Variants in ANKIB1 observed in about 807,000 individuals in gnomAD.
The protein encoded by ANKIB1 is ankyrin repeat and IBR domain-containing protein 1.
ANKIB1 carries 43 observed loss-of-function variants against 122.1 expected under a neutral mutation model. That is an observed-to-expected ratio of 0.35 (90% CI 0.28 to 0.45). ANKIB1 has a LOEUF of 0.45. Among genes scored for constraint, ANKIB1 ranks in the 20% least tolerant of loss-of-function variants. ANKIB1 has a pLI of 1.00. For synonymous variants in ANKIB1, 390 were observed against 442.0 expected (o/e 0.88, Z 1.48); for missense variants, 992 against 1,329.5 (o/e 0.75, Z 3.95).
At chr7:92,354,866 C>T (rs1044801785) in intron 9 of ANKIB1, among the ~76,000 whole-genome samples, 10 of 151,958 alleles carry the variant, frequency 6.6e-5, no homozygotes, top group Non-Finnish European at 1.5e-4. Context: ...AAATTAAACG[C>T]AAATGATTCT....
chr7:92,274,593 C>G (rs1026146227), intron 1 of ANKIB1, among the ~76,000 whole-genome samples: 2 of 151,638 alleles, frequency 1.3e-5, no homozygotes, highest in African/African-American at 4.9e-5. Flanking sequence ...TGTTTCAGAA[C>G]AGGAGCACTA....
At chr7:92,323,265 C>G (rs769670877) in intron 4 of ANKIB1, among the ~76,000 whole-genome samples, 7 of 152,132 alleles carry the variant, frequency 4.6e-5, no homozygotes, top group African/African-American at 7.2e-5. Context: ...TCTCCACATT[C>G]TTGCTAGCAT....
chr7:92,287,470 A>T (rs116167364), intron 1 of ANKIB1, among the ~76,000 whole-genome samples: 6 of 152,224 alleles, frequency 3.9e-5, no homozygotes, highest in African/African-American at 1.4e-4. Flanking sequence ...CAAGAGTACT[A>T]CAGAACTTAT....
chr7:92,281,669 GTAA>G (rs2131902754), intron 1 of ANKIB1, among the ~76,000 whole-genome samples: 1 of 152,248 alleles, frequency 6.6e-6, no homozygotes, highest in South Asian at 2.1e-4. Context: ...TTCCCTTGTA[GTAA>G]TAATAATGGG....
In ANKIB1 at chr7:92,338,784, C is replaced by T. The variant is rs1338122511; in HGVS notation, c.788-4240C>T. ...AAAATTAGCTGGGCGTGGTGGTGGG[C>T]GCCTGTAGTCCCAGCTACTTGGGAG... On this transcript the variant is annotated intron_variant, in intron 5 of 19. Coordinates refer to ENST00000265742, the MANE Select transcript of ANKIB1 (RefSeq NM_019004.2). Among the ~76,000 whole-genome samples, 8 of 148,244 alleles carry T rather than the reference C, an allele frequency of 5.4e-5. No homozygotes were observed. In the South Asian group the frequency reaches 6.5e-4, roughly 12 times the overall value.
chr7:92,261,686 C>A (rs1402109396), intron 1 of ANKIB1, among the ~76,000 whole-genome samples: 1 of 152,028 alleles, frequency 6.6e-6, no homozygotes, highest in Non-Finnish European at 1.5e-5. Context: ...GGGTTTTGTT[C>A]ATTTTAGTAT....
chr7:92,395,113 C>G (rs1012365541), intron 17 of ANKIB1, among the ~76,000 whole-genome samples: 12 of 152,186 alleles, frequency 7.9e-5, no homozygotes, highest in Admixed American at 5.9e-4. Flanking sequence ...CTGGCCTCCT[C>G]TCTTCTCTTC....
chr7:92,250,623 G>A (rs572586005), intron 1 of ANKIB1, among the ~76,000 whole-genome samples: 1 of 152,146 alleles, frequency 6.6e-6, no homozygotes, highest in Admixed American at 6.5e-5. Flanking sequence ...TGAGCCATGT[G>A]AAATCTATTC....
At chr7:92,317,472 A>G (rs941836286) in intron 3 of ANKIB1, among the ~76,000 whole-genome samples, 1 of 152,228 alleles carries the variant, frequency 6.6e-6, no homozygotes, top group Non-Finnish European at 1.5e-5. Flanking sequence ...TGCCAGAATG[A>G]CAACTTAGAG....
Position 92,319,375 on chromosome 7 carries a change from A to G in ANKIB1, c.532A>G (p.Lys178Glu). The G allele has an allele frequency of 6.2e-7, 1 of 1,607,284 alleles. No individual in the cohort carries two copies. The highest frequency in any genetic ancestry group is 8.5e-7 in the Non-Finnish European group (1 of 1,177,864). Residue 178 changes from lysine (K) to glutamate (E), a missense_variant, in exon 4 of 20, where the codon AAA (lysine) becomes GAA (glutamate). Lys to Glu is a moderately conservative substitution (Grantham distance 56). Around this residue, in one of 4 missense-constraint regions of ANKIB1, gnomAD observed 521 missense variants for 777.7 expected, o/e 0.67. Coordinates refer to ENST00000265742, the MANE Select transcript of ANKIB1 (RefSeq NM_019004.2). ...AGACTTGTTTGCTGAGAATGAAAAT[A>G]AAGATACTCCTTGTGATTGTGCTGA... ...GGDLFAENEN[K>E]DTPCDCAEKQ... is the part of the protein sequence containing the mutation.
Position 92,338,968 on chromosome 7 carries a change from A to ATT in ANKIB1, c.788-4055_788-4054insTT, listed in dbSNP as rs1554343130. 5.4e-5 allele frequency among the ~76,000 whole-genome samples: 5 copies of ATT among 93,132 alleles called. No homozygotes were observed. The East Asian group carries it at 2.7e-3, about 50-fold the overall frequency. The allele number at this position is 93,132 out of a possible 152,430, so 61.1% of individuals were successfully genotyped here. A position where few individuals can be genotyped will look rare whatever the true frequency, so the allele number is the denominator to read the frequency against. On this transcript the variant is annotated intron_variant, in intron 5 of 19. Coordinates refer to ENST00000265742, the MANE Select transcript of ANKIB1 (RefSeq NM_019004.2). ...TATATATATATATATATATATATAT[A>ATT]TATTTATATGAATCTTCCTTTTTTC...
chr7:92,368,156 T>TA (rs1198089685), intron 10 of ANKIB1, among the ~76,000 whole-genome samples: 1 of 151,874 alleles, frequency 6.6e-6, no homozygotes, highest in Non-Finnish European at 1.5e-5. Context: ...TCTCTATTTC[T>TA]AAAAAAAATT....
Position 92,399,060 on chromosome 7 carries a change from G to C in ANKIB1, c.*111G>C, listed in dbSNP as rs529029890. ...AATTCCAACTCAGTGATAAACCACTGACATTAGGGTTGAATACAGAGAAGT... is the reference window on the plus strand; with the variant it reads ...AATTCCAACTCAGTGATAAACCACTCACATTAGGGTTGAATACAGAGAAGT... On this transcript the variant is annotated 3_prime_UTR_variant, in exon 20 of 20. Transcript: ENST00000265742. The C allele has an allele frequency of 7.8e-7, 1 of 1,274,018 alleles. No homozygotes were observed. The highest frequency in any genetic ancestry group is 2.6e-5 in the East Asian group (1 of 37,864). The allele number at this position is 1,274,018 out of a possible 1,614,324, so 78.9% of individuals were successfully genotyped here. A position where few individuals can be genotyped will look rare whatever the true frequency, so the allele number is the denominator to read the frequency against.
In ANKIB1 at chr7:92,268,373, T is replaced by G. The variant is rs569825497; in HGVS notation, c.-91+21854T>G. On this transcript the variant is annotated intron_variant, in intron 1 of 19. Transcript: ENST00000265742. ...ATGGAAGAAAGCATTTCTAGCCCCT[T>G]GATCTTTAAAGGCATATGATTGTAT... is the stretch of plus-strand genomic sequence containing the variant. Among the ~76,000 whole-genome samples, 76 of 152,352 alleles carry G rather than the reference T, an allele frequency of 5.0e-4. 1 individual carries two copies. The highest frequency in any genetic ancestry group is 2.4e-3 in the Admixed American group (36 of 15,312).
chr7:92,342,616 T>C (rs1803462104), intron 5 of ANKIB1, among the ~76,000 whole-genome samples: 1 of 152,218 alleles, frequency 6.6e-6, no homozygotes, highest in Non-Finnish European at 1.5e-5. Flanking sequence ...TAGTGAACTA[T>C]GTAATCATTT....
chr7:92,289,502 C>T (rs1434070944), intron 1 of ANKIB1, among the ~76,000 whole-genome samples: 1 of 152,200 alleles, frequency 6.6e-6, no homozygotes, highest in African/African-American at 2.4e-5. Flanking sequence ...CACACTGCTC[C>T]TCACCATCAC....
At chr7:92,376,156 A>G (rs989958274) in intron 11 of ANKIB1, among the ~76,000 whole-genome samples, 5 of 152,202 alleles carry the variant, frequency 3.3e-5, no homozygotes, top group South Asian at 2.1e-4. Context: ...TAAACACCCT[A>G]TGATTTTCAG....
At chr7:92,250,712 T>C (rs1415110418) in intron 1 of ANKIB1, among the ~76,000 whole-genome samples, 2 of 152,262 alleles carry the variant, frequency 1.3e-5, no homozygotes, top group Non-Finnish European at 2.9e-5. Context: ...AAATGTATTC[T>C]TTCAGATTTG....
At chr7:92,273,391 T>G (rs1801837882) in intron 1 of ANKIB1, among the ~76,000 whole-genome samples, 1 of 152,236 alleles carries the variant, frequency 6.6e-6, no homozygotes, top group South Asian at 2.1e-4. Context: ...AGCTTTGTCC[T>G]TTCTGTCTCT....
Sources: allele counts gnomAD v4.1 joint callset (sites outside exome capture counted in the v4.1 genomes callset), GRCh38; gene constraint gnomAD v4.1.1; regional missense constraint gnomAD v4.1.1; transcripts MANE v1.5; gene names NCBI Gene and HGNC (gene_info 2026-07-23, HGNC 2026-07-21).